SSBP2: variants seen among roughly 807,000 people sequenced by gnomAD.
SSBP2 encodes single stranded DNA binding protein 2.
A neutral mutation model predicts 61.8 loss-of-function variants in SSBP2; 17 were observed. The observed-to-expected ratio is 0.28, with a 90% CI of 0.19 to 0.41. SSBP2 has a LOEUF of 0.41. SSBP2 is among the 10% of genes least tolerant of loss of function. The probability of loss-of-function intolerance (pLI) is 1.00; values close to 1 mark genes in which losing one functional copy is unlikely to be tolerated. For synonymous variants in SSBP2, 139 were observed against 141.3 expected, an observed-to-expected ratio of 0.98 and a Z score of 0.12; for missense variants, 310 against 458.7, an observed-to-expected ratio of 0.68 and a Z score of 2.96.
chr5:81,539,421 A>G lies in SSBP2; in HGVS notation c.283-25704T>C, dbSNP rs546056070. ...TATGAACACTGCTGAAACGATTACA[A>G]AAGATTTAGAATATTACATAAACTG... On this transcript the variant is annotated intron_variant, in intron 4 of 16. Transcript: ENST00000320672. Among the ~76,000 whole-genome samples, 7 of 152,344 alleles carry G rather than the reference A, an allele frequency of 4.6e-5. No homozygotes were observed. The South Asian group carries it at 1.4e-3, about 32-fold the overall frequency.
chr5:81,739,164 CAAAAAAAAA>C lies in SSBP2; in HGVS notation c.62+11808_62+11816del, dbSNP rs71000859. 2.5e-4 allele frequency among the ~76,000 whole-genome samples: 13 copies of C among 51,100 alleles called. No individual in the cohort carries two copies. In the East Asian group the frequency reaches 3.7e-3, roughly 15 times the overall value. The allele number at this position is 51,100 out of a possible 152,430, so 33.5% of individuals were successfully genotyped here. Reference sequence around the variant, plus strand: ...TGGTGACAGAGTGAGACTCCATCTCCAAAAAAAAAAAAAAAAAAAAAAAAAAAAAAATTG... The same window carrying C: ...TGGTGACAGAGTGAGACTCCATCTCCAAAAAAAAAAAAAAAAAAAAAATTG... On this transcript the variant is annotated intron_variant, in intron 1 of 16. Coordinates refer to ENST00000320672, the MANE Select transcript of SSBP2 (RefSeq NM_012446.5).
rs78932471 is a variant in SSBP2, at chr5:81,637,310, C to A, written c.136-692G>T. Among the ~76,000 whole-genome samples the A allele has an allele frequency of 6.0e-4, 92 of 152,330 alleles. No homozygotes were observed. In the East Asian group the frequency reaches 8.1e-3, roughly 13 times the overall value. On this transcript the variant is annotated intron_variant, in intron 2 of 16. Coordinates refer to ENST00000320672, the MANE Select transcript of SSBP2 (RefSeq NM_012446.5). ...CCAATTTTTTTGATAACCACAAGCT[C>A]TTCCTTTTGGTGCCTCAGCCCTAGT...
intron 4 of SSBP2, among the ~76,000 whole-genome samples, chr5:81,558,051 G>A (rs1453182330): frequency 1.3e-5 from 2 of 152,272 alleles, no homozygotes; most frequent in South Asian, 2.1e-4. Context: ...GCAGCATGGA[G>A]TAAGTATTCC....
At chr5:81,663,971 C>T (rs1013719145) in intron 1 of SSBP2, among the ~76,000 whole-genome samples, 1 of 152,116 alleles carries the variant, frequency 6.6e-6, no homozygotes, top group African/African-American at 2.4e-5. Context: ...TGAGTTAATT[C>T]ACTATATGTG....
chr5:81,601,297 G>A (rs904695834), intron 4 of SSBP2, among the ~76,000 whole-genome samples: 3 of 152,216 alleles, frequency 2.0e-5, no homozygotes, highest in Admixed American at 1.3e-4. Flanking sequence ...AATCAGGTAG[G>A]GGTTAGGAAC....
chr5:81,746,329 G>A (rs1757345708), intron 1 of SSBP2, among the ~76,000 whole-genome samples: 1 of 152,010 alleles, frequency 6.6e-6, no homozygotes, highest in South Asian at 2.1e-4. Context: ...GAGACTGAAA[G>A]GGGGAGGGGC....
At chr5:81,569,582 G>A (rs1773690772) in intron 4 of SSBP2, among the ~76,000 whole-genome samples, 1 of 152,170 alleles carries the variant, frequency 6.6e-6, no homozygotes, top group African/African-American at 2.4e-5. Context: ...AGCTTCCACT[G>A]CTGGTATCAT....
chr5:81,585,082 A>G (rs898820790), intron 4 of SSBP2, among the ~76,000 whole-genome samples: 4 of 152,246 alleles, frequency 2.6e-5, no homozygotes, highest in African/African-American at 9.6e-5. Flanking sequence ...ACAAAAGCAG[A>G]AAATATATGG....
At chr5:81,678,620 A>G (rs1249791212) in intron 1 of SSBP2, among the ~76,000 whole-genome samples, 1 of 152,172 alleles carries the variant, frequency 6.6e-6, no homozygotes, top group East Asian at 1.9e-4. Flanking sequence ...ACCTAGGCAT[A>G]TCATATTCAA....
intron 4 of SSBP2, among the ~76,000 whole-genome samples, chr5:81,574,454 A>C (rs906973126): frequency 6.6e-6 from 1 of 152,170 alleles, no homozygotes; most frequent in Non-Finnish European, 1.5e-5. Context: ...TCTAGGATAC[A>C]AGTCTTTGGA....
intron 5 of SSBP2, among the ~76,000 whole-genome samples, chr5:81,508,992 T>A (rs1768390894): frequency 6.6e-6 from 1 of 152,178 alleles, no homozygotes; most frequent in African/African-American, 2.4e-5. Flanking sequence ...AGAATATAAG[T>A]TTAAAATATT....
intron 4 of SSBP2, among the ~76,000 whole-genome samples, chr5:81,580,557 C>T (rs1212337107): frequency 6.6e-6 from 1 of 152,000 alleles, no homozygotes; most frequent in African/African-American, 2.4e-5. Flanking sequence ...GGTTTTATTG[C>T]TTTTATCTGC....
intron 1 of SSBP2, among the ~76,000 whole-genome samples, chr5:81,657,724 G>A (rs1433340623): frequency 6.6e-6 from 1 of 152,074 alleles, no homozygotes; most frequent in African/African-American, 2.4e-5. Flanking sequence ...TAAACTTTGT[G>A]GCACTCTAAA....
intron 1 of SSBP2, among the ~76,000 whole-genome samples, chr5:81,651,372 C>T (rs1749713700): frequency 6.6e-6 from 1 of 152,046 alleles, no homozygotes; most frequent in African/African-American, 2.4e-5. Flanking sequence ...TTCATGAAAA[C>T]ATATCATGCA....
At chr5:81,448,016 TA>T (rs1176500590) in intron 11 of SSBP2, 1 of 152,172 alleles carries the variant, frequency 6.6e-6, no homozygotes, top group African/African-American at 2.4e-5. Context: ...ATTTTCTTCT[TA>T]TGCGTTCTTT....
chr5:81,634,154 A>T (rs1490925198), intron 3 of SSBP2, among the ~76,000 whole-genome samples: 4 of 152,160 alleles, frequency 2.6e-5, no homozygotes, highest in Non-Finnish European at 4.4e-5. Flanking sequence ...ACAGACTTTA[A>T]ATCTGATAAG....
chr5:81,447,657 C>G (rs1763490705), intron 11 of SSBP2, among the ~76,000 whole-genome samples: 6 of 152,030 alleles, frequency 3.9e-5, no homozygotes, highest in Admixed American at 3.9e-4. Context: ...CAGATACAGC[C>G]TGCCAATTAT....
At chr5:81,742,155 T>C (rs1238708961) in intron 1 of SSBP2, among the ~76,000 whole-genome samples, 1 of 152,194 alleles carries the variant, frequency 6.6e-6, no homozygotes, top group African/African-American at 2.4e-5. Flanking sequence ...CAAAATACTA[T>C]ACATTAAAAT....
chr5:81,627,836 A>G (rs565757015), intron 3 of SSBP2, among the ~76,000 whole-genome samples: 5 of 152,182 alleles, frequency 3.3e-5, no homozygotes, highest in Admixed American at 2.0e-4. Context: ...AGCAGAGGCG[A>G]GTGAGTCTCG....
Sources: gnomAD v4.1 joint callset for allele counts (sites outside exome capture counted in the v4.1 genomes callset) on GRCh38, gnomAD v4.1.1 for gene constraint, MANE v1.5 for transcripts, NCBI Gene and HGNC (gene_info 2026-07-23, HGNC 2026-07-21) for gene names.